The following CYLD variants were observed in gnomAD, a reference collection of about 807,000 sequenced individuals.
CYLD encodes ubiquitin carboxyl-terminal hydrolase CYLD.
In CYLD, 26 loss-of-function variants were observed where a neutral mutation model predicts 104.5. The observed-to-expected ratio is 0.25, with a 90% CI of 0.18 to 0.35. The LOEUF (loss-of-function observed/expected upper bound fraction) is 0.35. Among genes scored for constraint, CYLD ranks in the 10% least tolerant of loss-of-function variants. CYLD has a pLI of 1.00. For synonymous variants in CYLD, 385 were observed against 399.9 expected, an observed-to-expected ratio of 0.96 and a Z score of 0.45; for missense variants, 703 against 1,136.1, an observed-to-expected ratio of 0.62 and a Z score of 5.48.
intron 5 of CYLD, among the ~76,000 whole-genome samples, chr16:50,768,377 A>G (rs1968751534): frequency 6.6e-6 from 1 of 152,154 alleles, no homozygotes; most frequent in Non-Finnish European, 1.5e-5. Context: ...TGTCTCCTTT[A>G]GTTCCTTAGT....
At position 50,796,977 on chromosome 16, in the gene CYLD, T is replaced by C. The variant is rs1473710946; in HGVS notation, c.*469T>C. On this transcript the variant is annotated 3_prime_UTR_variant, in exon 19 of 19. Transcript: ENST00000427738. ...TAAGAGTCTACTCTCAATCCAGTTA[T>C]TAGAGATGTACTGAGTTTGATTTGT... 2.1e-5 allele frequency: 6 copies of C among 281,000 alleles called. No homozygotes were observed. The highest frequency in any genetic ancestry group is 4.1e-5 in the Non-Finnish European group (6 of 145,946). 17.4% of individuals were successfully genotyped at this position (281,000 alleles called of 1,614,324 possible). A position where few individuals can be genotyped will look rare whatever the true frequency, so the allele number is the denominator to read the frequency against.
intron 17 of CYLD, 41 bp downstream of exon 17, chr16:50,793,705 A>G (rs899170339): frequency 8.0e-7 from 1 of 1,242,816 alleles, no homozygotes; most frequent in African/African-American, 1.5e-5. Context: ...TTTGTTGAAC[A>G]GTAACTTATT....
rs1298625546 is a variant in CYLD at position 50,791,580 on chromosome 16, G to A, written c.2131G>A (p.Asp711Asn). Reference sequence around the variant, plus strand: ...TAGATCAGCAGGTCAAAAGGTACAAGATTGTTACTTCTATCAAATTTTTAT... The same window carrying A: ...TAGATCAGCAGGTCAAAAGGTACAAAATTGTTACTTCTATCAAATTTTTAT... ...KIRSAGQKVQ[D>N]CYFYQIFMEK... The change falls in exon 15 of 19, where the codon GAT becomes AAT. Residue 711 changes from aspartate to asparagine, a missense_variant. Transcript: ENST00000427738. 2 of 1,613,738 alleles carry A rather than the reference G, an allele frequency of 1.2e-6. No individual in the cohort carries two copies. Among genetic ancestry groups the A allele is most frequent in the Admixed American group, 3.3e-5 (2 of 59,998 alleles).
chr16:50,801,271 G>A lies in CYLD; in HGVS notation c.*4763G>A. 2 of 233,484 alleles carry A rather than the reference G, an allele frequency of 8.6e-6. No individual in the cohort carries two copies. Among genetic ancestry groups the A allele is most frequent in the Non-Finnish European group, 1.7e-5 (2 of 118,074 alleles). 14.5% of individuals were successfully genotyped at this position (233,484 alleles called of 1,614,324 possible). On this transcript the variant is annotated 3_prime_UTR_variant, in exon 19 of 19. Transcript: ENST00000427738. ...AGGAAGGTCCTCCTCCTCCCTGATTGTAGCATCCAGCAGTCTCTGTAGCCA... is the reference window on the plus strand; with the variant it reads ...AGGAAGGTCCTCCTCCTCCCTGATTATAGCATCCAGCAGTCTCTGTAGCCA...
intron 4 of CYLD, among the ~76,000 whole-genome samples, chr16:50,752,652 C>T (rs928149640): frequency 6.6e-6 from 1 of 152,172 alleles, no homozygotes; most frequent in Non-Finnish European, 1.5e-5. Context: ...AAACTCTGTG[C>T]CTGTTTTAAC....
At chr16:50,788,758 G>A (rs941761055) in intron 14 of CYLD, among the ~76,000 whole-genome samples, 1 of 152,132 alleles carries the variant, frequency 6.6e-6, no homozygotes, top group Admixed American at 6.5e-5. Flanking sequence ...ATTTGTCTAT[G>A]TAAAATATCC....
chr16:50,751,956 AT>A, intron 4 of CYLD, 50 bp downstream of exon 4: 1 of 563,500 alleles, frequency 1.8e-6, no homozygotes, highest in African/African-American at 2.1e-5. Flanking sequence ...ATTAGTTTAT[AT>A]ATATATGTAT....
chr16:50,782,267 T>C, intron 10 of CYLD, 58 bp from the exon 11 acceptor site: 1 of 1,276,708 alleles, frequency 7.8e-7, no homozygotes. Context: ...TGGGAATACA[T>C]ATTGTAATAG....
intron 3 of CYLD, among the ~76,000 whole-genome samples, chr16:50,751,026 T>A (rs566836529): frequency 3.2e-4 from 48 of 152,346 alleles, no homozygotes; most frequent in African/African-American, 1.0e-3. Context: ...CTCTTGCCAA[T>A]AGAATTGCAT....
chr16:50,782,384 G>A lies in CYLD; in HGVS notation c.1744G>A (p.Glu582Lys), dbSNP rs1447693715. The A allele has an allele frequency of 6.2e-7, 1 of 1,613,884 alleles. No individual in the cohort carries two copies. Among genetic ancestry groups the A allele is most frequent in the Admixed American group, 1.7e-5 (1 of 60,012 alleles). The stretch of plus-strand genomic sequence containing the variant: ...AAATACTCCACCAAAAATGGAAAAA[G>A]AAGGCTTGGAGATAATGATTGGGAA... ...EENTPPKMEK[E>K]GLEIMIGKKK... is the part of the protein sequence containing the mutation. Residue 582 changes from glutamate to lysine, a missense_variant, in exon 11 of 19, where the codon GAA (glutamate) becomes AAA (lysine). Around this residue, in one of 5 missense-constraint regions of CYLD, gnomAD observed 125 missense variants for 325.4 expected, o/e 0.38. Transcript: ENST00000427738.
intron 6 of CYLD, 33 bp from the exon 7 acceptor site, chr16:50,776,146 C>T (rs901504941): frequency 6.8e-7 from 1 of 1,473,202 alleles, no homozygotes; most frequent in African/African-American, 1.4e-5. Context: ...AAGAATTTGC[C>T]TTTATCTTTA....
chr16:50,743,123 A>C (rs1033172859), intron 2 of CYLD, among the ~76,000 whole-genome samples: 1 of 152,076 alleles, frequency 6.6e-6, no homozygotes, highest in Non-Finnish European at 1.5e-5. Context: ...TTTTTCCTGG[A>C]AAGTTTTATC....
chr16:50,767,555 C>T (rs567191214), intron 5 of CYLD, among the ~76,000 whole-genome samples: 1 of 150,022 alleles, frequency 6.7e-6, no homozygotes, highest in South Asian at 2.1e-4. Flanking sequence ...AGTAACCGTT[C>T]TCTTTACCTA....
At chr16:50,780,729 G>T (rs533134237) in intron 9 of CYLD, among the ~76,000 whole-genome samples, 1 of 152,238 alleles carries the variant, frequency 6.6e-6, no homozygotes, top group East Asian at 1.9e-4. Flanking sequence ...ATGTTGCCCA[G>T]GCTGGTCTCA....
chr16:50,787,003 AAGTATT>A, intron 13 of CYLD, 57 bp downstream of exon 13: 1 of 1,366,860 alleles, frequency 7.3e-7, no homozygotes, highest in Non-Finnish European at 1.0e-6. Context: ...TCACATGTCA[AAGTATT>A]AGCTGAAATG....
chr16:50,796,775 A>G lies in CYLD; in HGVS notation c.*267A>G. The G allele has an allele frequency of 2.1e-6, 1 of 478,016 alleles. No individual in the cohort carries two copies. The highest frequency in any genetic ancestry group is 3.8e-6 in the Non-Finnish European group (1 of 259,974). 29.6% of individuals were successfully genotyped at this position (478,016 alleles called of 1,614,324 possible). On this transcript the variant is annotated 3_prime_UTR_variant, in exon 19 of 19. Transcript: ENST00000427738. ...TTATTAATACCTGAAGCTTTAAGTT[A>G]AGTGCATTGATCATATGATATTTTT... is the stretch of plus-strand genomic sequence containing the variant.
At chr16:50,767,649 A>G (rs904191603) in intron 5 of CYLD, among the ~76,000 whole-genome samples, 3 of 152,190 alleles carry the variant, frequency 2.0e-5, no homozygotes, top group Non-Finnish European at 4.4e-5. Flanking sequence ...TAGGGAAATC[A>G]TTAGTTTAGT....
chr16:50,745,362 G>GTTTTTTTT (rs535675323), intron 2 of CYLD, among the ~76,000 whole-genome samples: 16 of 78,752 alleles, frequency 2.0e-4, no homozygotes, highest in Non-Finnish European at 3.2e-4. Context: ...TTTCCTCTTT[G>GTTTTTTTT]TTTTTTTTTT....
rs139833996 is a variant in CYLD at position 50,762,508 on chromosome 16, G to A, written c.913+8084G>A. ...CTAAAGCCTATCCATAGCTTTAGAA[G>A]TCTTGGTAGCTGTGAGAGTACATTT... On this transcript the variant is annotated intron_variant, in intron 5 of 18. Coordinates refer to ENST00000427738, the MANE Select transcript of CYLD (RefSeq NM_001378743.1). 9.8e-5 allele frequency among the ~76,000 whole-genome samples: 15 copies of A among 152,288 alleles called. No individual in the cohort carries two copies. In the East Asian group the frequency reaches 2.9e-3, roughly 29 times the overall value.
Sources: gnomAD v4.1 joint callset for allele counts (sites outside exome capture counted in the v4.1 genomes callset) on GRCh38, gnomAD v4.1.1 for gene constraint, gnomAD v4.1.1 regional missense constraint, MANE v1.5 for transcripts, NCBI Gene and HGNC (gene_info 2026-07-23, HGNC 2026-07-21) for gene names.